KCND3: variants seen among roughly 807,000 people sequenced by gnomAD.
KCND3 encodes the protein A-type voltage-gated potassium channel KCND3.
In KCND3, 9 loss-of-function variants were observed where a neutral mutation model predicts 51.1. That is an observed-to-expected ratio of 0.18 (90% CI 0.11 to 0.31). The LOEUF (loss-of-function observed/expected upper bound fraction) is 0.31. Among genes scored for constraint, KCND3 ranks in the 10% least tolerant of loss-of-function variants. The pLI, the probability that KCND3 is intolerant of heterozygous loss-of-function variation, is 1.00. For missense variants in KCND3, 526 were observed against 903.8 expected, an observed-to-expected ratio of 0.58 and a Z score of 5.36; for synonymous variants, 349 against 368.0, an observed-to-expected ratio of 0.95 and a Z score of 0.59.
intron 2 of KCND3, among the ~76,000 whole-genome samples, chr1:111,836,688 A>T (rs1209764286): frequency 6.6e-6 from 1 of 152,078 alleles, no homozygotes; most frequent in Non-Finnish European, 1.5e-5. Flanking sequence ...GATTATAAGG[A>T]GCTTGCTGAG....
At chr1:111,850,386 G>A (rs1667759508) in intron 2 of KCND3, among the ~76,000 whole-genome samples, 1 of 152,052 alleles carries the variant, frequency 6.6e-6, no homozygotes, top group African/African-American at 2.4e-5. Flanking sequence ...CTACCCCCTC[G>A]GGAATCCTTG....
chr1:111,875,671 TGTTG>T (rs1669016469), intron 2 of KCND3, among the ~76,000 whole-genome samples: 1 of 152,240 alleles, frequency 6.6e-6, no homozygotes, highest in African/African-American at 2.4e-5. Flanking sequence ...TTAATTCTTG[TGTTG>T]CCTCTCTTAG....
intron 2 of KCND3, among the ~76,000 whole-genome samples, chr1:111,942,286 C>A (rs1672560072): frequency 1.3e-5 from 2 of 152,218 alleles, no homozygotes; most frequent in Admixed American, 6.5e-5. Flanking sequence ...TAGCCACAAT[C>A]CCCCGTCCCT....
At chr1:111,838,012 C>T (rs960325652) in intron 2 of KCND3, among the ~76,000 whole-genome samples, 4 of 152,122 alleles carry the variant, frequency 2.6e-5, no homozygotes, top group Admixed American at 6.5e-5. Flanking sequence ...CCACATAACG[C>T]GTCACTGTCG....
intron 3 of KCND3, among the ~76,000 whole-genome samples, chr1:111,783,485 T>C (rs540684786): frequency 2.0e-5 from 3 of 152,304 alleles, no homozygotes; most frequent in South Asian, 4.1e-4. Context: ...GTACCATCTA[T>C]GTTCAAGCCA....
intron 2 of KCND3, among the ~76,000 whole-genome samples, chr1:111,917,585 G>A (rs575370873): frequency 2.0e-5 from 3 of 152,308 alleles, no homozygotes; most frequent in Non-Finnish European, 2.9e-5. Context: ...TGTAGGAATC[G>A]GGGAGGGCCA....
intron 2 of KCND3, among the ~76,000 whole-genome samples, chr1:111,871,782 A>G (rs1388323359): frequency 6.6e-6 from 1 of 152,210 alleles, no homozygotes; most frequent in East Asian, 1.9e-4. Context: ...TAAATTTATA[A>G]GGTGGAGGAA....
chr1:111,795,259 G>A (rs1268738070), intron 2 of KCND3, among the ~76,000 whole-genome samples: 3 of 152,174 alleles, frequency 2.0e-5, no homozygotes, highest in Non-Finnish European at 2.9e-5. Context: ...CCTGCAAAGT[G>A]AGCCCCAGCA....
intron 2 of KCND3, among the ~76,000 whole-genome samples, chr1:111,900,725 G>A (rs570193566): frequency 3.3e-5 from 5 of 152,014 alleles, no homozygotes; most frequent in Non-Finnish European, 7.3e-5. Flanking sequence ...GGGAGGCCGA[G>A]GTGGGCGGAT....
At chr1:111,873,344 C>T (rs1668910260) in intron 2 of KCND3, among the ~76,000 whole-genome samples, 1 of 152,210 alleles carries the variant, frequency 6.6e-6, no homozygotes, top group Admixed American at 6.5e-5. Flanking sequence ...CTCCTTAGGA[C>T]TGCTTGCCTA....
chr1:111,840,229 A>C (rs1294259801), intron 2 of KCND3, among the ~76,000 whole-genome samples: 1 of 152,098 alleles, frequency 6.6e-6, no homozygotes, highest in East Asian at 1.9e-4. Flanking sequence ...TAGCATTGGA[A>C]ATTCGGTTCC....
chr1:111,897,653 G>T (rs1037202986), intron 2 of KCND3, among the ~76,000 whole-genome samples: 1 of 152,188 alleles, frequency 6.6e-6, no homozygotes, highest in Admixed American at 6.5e-5. Context: ...AAGGCACATG[G>T]GCTCACTTGT....
chr1:111,980,483 T>C (rs1184945369), intron 2 of KCND3, among the ~76,000 whole-genome samples: 1 of 148,326 alleles, frequency 6.7e-6, no homozygotes, highest in African/African-American at 2.5e-5. Context: ...TGCCTCTGGG[T>C]TTTGGCCAGG....
intron 2 of KCND3, among the ~76,000 whole-genome samples, chr1:111,886,476 C>T (rs1034632811): frequency 6.6e-6 from 1 of 152,188 alleles, no homozygotes; most frequent in Non-Finnish European, 1.5e-5. Context: ...GATATGAAAC[C>T]TGTCTTCAAA....
intron 2 of KCND3, among the ~76,000 whole-genome samples, chr1:111,791,320 C>T (rs993661396): frequency 4.6e-5 from 7 of 152,296 alleles, no homozygotes; most frequent in South Asian, 2.1e-4. Context: ...TGGACTTTTA[C>T]GTTAGGGACC....
intron 2 of KCND3, among the ~76,000 whole-genome samples, chr1:111,948,297 C>T (rs1444233235): frequency 6.6e-6 from 1 of 152,182 alleles, no homozygotes; most frequent in African/African-American, 2.4e-5. Flanking sequence ...TAAATGACTC[C>T]AGCTCCTGGA....
chr1:111,880,519 T>C (rs1407436411), intron 2 of KCND3, among the ~76,000 whole-genome samples: 1 of 152,170 alleles, frequency 6.6e-6, no homozygotes, highest in East Asian at 1.9e-4. Context: ...CTCCAGGACA[T>C]GGACTGGGAG....
Position 111,933,935 on chromosome 1 carries a change from C to T in KCND3, c.1106+47686G>A, listed in dbSNP as rs184060477. The stretch of plus-strand genomic sequence containing the variant: ...CCCAACCCTTCCCCAACCTAGATAC[C>T]GTGCTATAGGCAGGAGGCACAGATC... On this transcript the variant is annotated intron_variant, in intron 2 of 7. Transcript: ENST00000302127. Among the ~76,000 whole-genome samples, 631 of 152,276 alleles carry T rather than the reference C, an allele frequency of 4.1e-3. 19 individuals carry two copies. The highest frequency in any genetic ancestry group is 3.4e-3 in the Middle Eastern group (1 of 294).
chr1:111,834,734 T>A (rs1666995471), intron 2 of KCND3, among the ~76,000 whole-genome samples: 1 of 152,186 alleles, frequency 6.6e-6, no homozygotes, highest in Non-Finnish European at 1.5e-5. Flanking sequence ...TGGGTCCTCA[T>A]TTTGCCTTCT....
Sources: gnomAD v4.1 joint callset for allele counts (sites outside exome capture counted in the v4.1 genomes callset) on GRCh38, gnomAD v4.1.1 for gene constraint, MANE v1.5 for transcripts, NCBI Gene and HGNC (gene_info 2026-07-23, HGNC 2026-07-21) for gene names.